Variants in SH3PXD2A observed in about 807,000 individuals in gnomAD.
The protein encoded by SH3PXD2A is SH3 and PX domain-containing protein 2A.
In SH3PXD2A, 32 loss-of-function variants were observed where a neutral mutation model predicts 115.2. That is an observed-to-expected ratio of 0.28 (90% CI 0.21 to 0.37). The LOEUF (loss-of-function observed/expected upper bound fraction) is 0.37, where lower values mean the gene tolerates loss of function less well. SH3PXD2A is among the 10% of genes least tolerant of loss of function. The probability of loss-of-function intolerance (pLI) is 1.00; values close to 1 mark genes in which losing one functional copy is unlikely to be tolerated. For synonymous variants in SH3PXD2A, 610 were observed against 629.1 expected (o/e 0.97, Z 0.45); for missense variants, 1,328 against 1,498.7 (o/e 0.89, Z 1.88).
chr10:103,833,379 A>G (rs1316042649), intron 1 of SH3PXD2A, among the ~76,000 whole-genome samples: 1 of 152,190 alleles, frequency 6.6e-6, no homozygotes, highest in African/African-American at 2.4e-5. Context: ...GACCCATCTG[A>G]CATAAATCCT....
rs1283856620 is a variant in SH3PXD2A, at chr10:103,617,262, A to C, written c.855T>G (p.Ile285Met). 1.9e-6 allele frequency: 3 copies of C among 1,614,228 alleles called. No homozygotes were observed. In the South Asian group the frequency reaches 3.3e-5, roughly 18 times the overall value. ...CCACTGTGACGCCCTTCTCAAAGCC[A>C]ATCTCGTCCTTGCTTTGGCTGGTGT... The part of the protein sequence containing the change: ...QPYTSQSKDE[I>M]GFEKGVTVEV... The change falls in exon 11 of 15, where the codon ATT (isoleucine) becomes ATG (methionine). Residue 285 changes from isoleucine to methionine, a missense_variant. This residue lies in a region of SH3PXD2A where 509 missense variants were observed against 628.3 expected (regional missense o/e 0.81). Transcript: ENST00000369774.
intron 6 of SH3PXD2A, among the ~76,000 whole-genome samples, chr10:103,672,398 T>C (rs936661930): frequency 3.3e-5 from 5 of 152,234 alleles, no homozygotes; most frequent in African/African-American, 1.2e-4. Flanking sequence ...GTTCTAGACC[T>C]TCCCAGCAGA....
intron 4 of SH3PXD2A, 73 bp from the exon 5 acceptor site, chr10:103,724,434 T>A: frequency 1.2e-6 from 1 of 832,264 alleles, no homozygotes; most frequent in Non-Finnish European, 1.9e-6. Flanking sequence ...CAGTGTCACC[T>A]TACACCAACA....
intron 12 of SH3PXD2A, among the ~76,000 whole-genome samples, chr10:103,612,561 CAG>C: frequency 6.6e-6 from 1 of 152,336 alleles, no homozygotes; most frequent in Middle Eastern, 3.4e-3. Context: ...CGTGTATCTG[CAG>C]AGTGACCATT....
intron 1 of SH3PXD2A, among the ~76,000 whole-genome samples, chr10:103,818,443 G>A (rs2039345701): frequency 6.6e-6 from 1 of 152,216 alleles, no homozygotes; most frequent in Non-Finnish European, 1.5e-5. Context: ...CTGACTTTAA[G>A]AGAACACACC....
chr10:103,783,052 A>G (rs1027619741), intron 2 of SH3PXD2A, among the ~76,000 whole-genome samples: 1 of 152,082 alleles, frequency 6.6e-6, no homozygotes, highest in African/African-American at 2.4e-5. Flanking sequence ...CAGCAAGGAC[A>G]AAGGCCTGGT....
intron 5 of SH3PXD2A, among the ~76,000 whole-genome samples, chr10:103,700,190 G>A (rs896349057): frequency 2.0e-5 from 3 of 151,650 alleles, no homozygotes; most frequent in Non-Finnish European, 2.9e-5. Context: ...AGTTAAAAGG[G>A]CAGGTGGGTT....
At chr10:103,741,357 T>C (rs1316039279) in intron 3 of SH3PXD2A, among the ~76,000 whole-genome samples, 1 of 152,252 alleles carries the variant, frequency 6.6e-6, no homozygotes. Context: ...AGTTCCATGC[T>C]GCCTCCCCCA....
intron 3 of SH3PXD2A, among the ~76,000 whole-genome samples, chr10:103,753,199 G>C (rs952498004): frequency 4.6e-5 from 7 of 151,554 alleles, no homozygotes; most frequent in Admixed American, 1.3e-4. Flanking sequence ...GTGGTCAAAG[G>C]CTGGGTGCAG....
intron 5 of SH3PXD2A, among the ~76,000 whole-genome samples, chr10:103,701,893 TCCACCATCCAGCCATCTATCATCCAA>T (rs1159587945): frequency 6.7e-6 from 1 of 148,982 alleles, no homozygotes; most frequent in Non-Finnish European, 1.5e-5. Flanking sequence ...CATCCATCCA[TCCACCATCCAGCCATCTATCATCCAA>T]CCACCATCCA....
rs779614766 is a variant in SH3PXD2A at position 103,602,370 on chromosome 10, G to T, written c.2848C>A (p.Pro950Thr). Reference sequence around the variant, plus strand: ...CCGAAGCCCCCGGGAGGTTTGGAGGGGATGGGGGGCGTGGCCTTCTTGCTC... The same window carrying T: ...CCGAAGCCCCCGGGAGGTTTGGAGGTGATGGGGGGCGTGGCCTTCTTGCTC... ...NQSKKATPPI[P>T]SKPPGGFGKT... Residue 950 changes from proline to threonine, a missense_variant, in exon 15 of 15, where the codon CCC becomes ACC. Pro to Thr is a conservative substitution (Grantham distance 38). Transcript: ENST00000369774. 6 of 1,613,816 alleles carry T rather than the reference G, an allele frequency of 3.7e-6. No individual in the cohort carries two copies. The South Asian group carries it at 6.6e-5, about 18-fold the overall frequency.
At chr10:103,828,777 T>C (rs1367225562) in intron 1 of SH3PXD2A, among the ~76,000 whole-genome samples, 1 of 152,246 alleles carries the variant, frequency 6.6e-6, no homozygotes, top group South Asian at 2.1e-4. Flanking sequence ...CAAAGACTGT[T>C]TGTGTTCTGT....
At chr10:103,826,500 C>T (rs1285340394) in intron 1 of SH3PXD2A, among the ~76,000 whole-genome samples, 1 of 152,208 alleles carries the variant, frequency 6.6e-6, no homozygotes, top group Non-Finnish European at 1.5e-5. Context: ...CCCAGGCCTC[C>T]AGCAGACTCC....
At chr10:103,643,258 G>A (rs2036981557) in intron 8 of SH3PXD2A, among the ~76,000 whole-genome samples, 1 of 152,076 alleles carries the variant, frequency 6.6e-6, no homozygotes. Context: ...AGAGGCAGAG[G>A]GCACCCTAGG....
At chr10:103,642,322 C>G (rs2036968028) in intron 8 of SH3PXD2A, among the ~76,000 whole-genome samples, 2 of 152,186 alleles carry the variant, frequency 1.3e-5, no homozygotes, top group Admixed American at 1.3e-4. Context: ...CTGTGGCCCG[C>G]TCTTTCTTTG....
chr10:103,755,199 C>T (rs2038626128), intron 3 of SH3PXD2A: 1 of 152,212 alleles, frequency 6.6e-6, no homozygotes, highest in South Asian at 2.1e-4. Flanking sequence ...AGGCTGCATT[C>T]AAACCATCCC....
At chr10:103,644,111 T>TC (rs2036996854) in intron 8 of SH3PXD2A, among the ~76,000 whole-genome samples, 2 of 48,438 alleles carry the variant, frequency 4.1e-5, no homozygotes, top group African/African-American at 2.1e-4. Flanking sequence ...CGAGGCTCCA[T>TC]CCCAAAAAAA....
In SH3PXD2A at chr10:103,738,944, G is replaced by A. The variant is rs563073822; in HGVS notation, c.230-3136C>T. ...CGAGTAGCTGGGATTACAGGCATGT[G>A]CCACCACACCCGGCTGATTTTGCAT... On this transcript the variant is annotated intron_variant, in intron 3 of 14. Coordinates refer to ENST00000369774, the MANE Select transcript of SH3PXD2A (RefSeq NM_001394015.1). Among the ~76,000 whole-genome samples, 10 of 151,730 alleles carry A rather than the reference G, an allele frequency of 6.6e-5. No individual in the cohort carries two copies. The South Asian group carries it at 2.1e-3, about 31-fold the overall frequency.
chr10:103,796,129 G>A (rs1459920276), intron 2 of SH3PXD2A, among the ~76,000 whole-genome samples: 1 of 151,898 alleles, frequency 6.6e-6, no homozygotes, highest in Non-Finnish European at 1.5e-5. Flanking sequence ...GAAGACCGAG[G>A]CGGAAGGATA....
Sources: allele counts gnomAD v4.1 joint callset (sites outside exome capture counted in the v4.1 genomes callset), GRCh38; gene constraint gnomAD v4.1.1; regional missense constraint gnomAD v4.1.1; transcripts MANE v1.5; gene names NCBI Gene and HGNC (gene_info 2026-07-23, HGNC 2026-07-21).